The following SYNPR variants were observed in gnomAD, a reference collection of about 807,000 sequenced individuals.
SYNPR encodes the protein synaptoporin.
A neutral mutation model predicts 32.9 loss-of-function variants in SYNPR; 23 were observed. The observed-to-expected ratio is 0.70, with a 90% confidence interval of 0.50 to 0.99. SYNPR has a LOEUF of 0.99. Among genes scored for constraint, SYNPR ranks in the 50% least tolerant of loss-of-function variants. The pLI is 0.00. For synonymous variants in SYNPR, 146 were observed against 135.9 expected (o/e 1.07, Z -0.52); for missense variants, 318 against 349.3 (o/e 0.91, Z 0.71).
intron 2 of SYNPR, among the ~76,000 whole-genome samples, chr3:63,296,204 C>T (rs1487826709): frequency 6.6e-6 from 1 of 152,204 alleles, no homozygotes; most frequent in African/African-American, 2.4e-5. Context: ...AAGCCCAGTG[C>T]TTCCAGATAT....
chr3:63,360,017 C>T (rs546802758), intron 2 of SYNPR, among the ~76,000 whole-genome samples: 1 of 152,190 alleles, frequency 6.6e-6, no homozygotes, highest in Non-Finnish European at 1.5e-5. Flanking sequence ...CTCAAACATA[C>T]ATCACAGCCA....
At chr3:63,390,891 C>G (rs1053876986) in intron 2 of SYNPR, among the ~76,000 whole-genome samples, 12 of 152,214 alleles carry the variant, frequency 7.9e-5, no homozygotes, top group Admixed American at 6.5e-4. Context: ...GCCCTCCGCG[C>G]TCTTCTTTGC....
intron 2 of SYNPR, among the ~76,000 whole-genome samples, chr3:63,416,495 G>A (rs1362323705): frequency 7.6e-6 from 1 of 132,078 alleles, no homozygotes; most frequent in Non-Finnish European, 1.5e-5. Flanking sequence ...TTGTGCCAAT[G>A]TACTCCAGCC....
intron 3 of SYNPR, among the ~76,000 whole-genome samples, chr3:63,529,267 A>T (rs991043135): frequency 3.9e-5 from 6 of 152,202 alleles, no homozygotes; most frequent in Non-Finnish European, 8.8e-5. Flanking sequence ...CCTTTAAATC[A>T]TCTCTAGATT....
intron 3 of SYNPR, among the ~76,000 whole-genome samples, chr3:63,547,749 T>C (rs1378965611): frequency 6.6e-6 from 1 of 152,168 alleles, no homozygotes; most frequent in Non-Finnish European, 1.5e-5. Context: ...GCACTGTTTT[T>C]GTATGGGAGG....
chr3:63,282,961 G>A (rs2086643859), intron 2 of SYNPR, among the ~76,000 whole-genome samples: 2 of 152,164 alleles, frequency 1.3e-5, no homozygotes, highest in Admixed American at 1.3e-4. Context: ...CAATTTGTAT[G>A]AACACAGAGG....
At chr3:63,387,623 G>A (rs1367468197) in intron 2 of SYNPR, among the ~76,000 whole-genome samples, 1 of 152,144 alleles carries the variant, frequency 6.6e-6, no homozygotes, top group African/African-American at 2.4e-5. Context: ...AGGCAGAGTG[G>A]GAAAGAATAT....
chr3:63,429,585 G>A (rs550663611), intron 2 of SYNPR, among the ~76,000 whole-genome samples: 13 of 152,174 alleles, frequency 8.5e-5, no homozygotes, highest in Non-Finnish European at 1.8e-4. Flanking sequence ...AAAAAAGACT[G>A]TAACTATTTT....
intron 3 of SYNPR, among the ~76,000 whole-genome samples, chr3:63,519,480 G>A (rs1701865581): frequency 6.6e-6 from 1 of 152,160 alleles, no homozygotes; most frequent in Non-Finnish European, 1.5e-5. Flanking sequence ...GAGCAGAGCA[G>A]AGCTTGCCCA....
intron 2 of SYNPR, among the ~76,000 whole-genome samples, chr3:63,293,453 T>C (rs2086761605): frequency 6.6e-6 from 1 of 152,224 alleles, no homozygotes; most frequent in African/African-American, 2.4e-5. Flanking sequence ...CTTAATACTT[T>C]GAAATATACT....
At chr3:63,518,673 G>A (rs1159402185) in intron 3 of SYNPR, among the ~76,000 whole-genome samples, 1 of 152,098 alleles carries the variant, frequency 6.6e-6, no homozygotes, top group East Asian at 1.9e-4. Flanking sequence ...CATACTGACT[G>A]CTGATTTTAT....
chr3:63,431,641 C>A (rs562376390), intron 2 of SYNPR, among the ~76,000 whole-genome samples: 69 of 151,790 alleles, frequency 4.5e-4, no homozygotes, highest in African/African-American at 1.6e-3. Flanking sequence ...CAGCATAAAC[C>A]AAGGGCAGAG....
chr3:63,602,096 G>C (rs76480878), intron 4 of SYNPR, among the ~76,000 whole-genome samples: 6,551 of 152,222 alleles, frequency 0.043, 331 homozygotes, highest in African/African-American at 0.12. Flanking sequence ...CTAATGATTA[G>C]TGATGTTGGG....
chr3:63,498,352 A>G (rs1701411537), intron 3 of SYNPR, among the ~76,000 whole-genome samples: 1 of 152,118 alleles, frequency 6.6e-6, no homozygotes, highest in East Asian at 1.9e-4. Flanking sequence ...CCGGGAATCC[A>G]GTGGAGAGCA....
chr3:63,202,037 G>T, the SYNPR span, among the ~76,000 whole-genome samples: 28 of 152,196 alleles, frequency 1.8e-4, no homozygotes, highest in East Asian at 4.4e-3. Flanking sequence ...CAGGAGTTCA[G>T]TAAGTTTTTT....
chr3:63,395,761 C>T lies in SYNPR; in HGVS notation c.85-85071C>T, dbSNP rs145900413. 4.1e-3 allele frequency among the ~76,000 whole-genome samples: 629 copies of T among 152,060 alleles called. 8 individuals are homozygous for T. Among genetic ancestry groups the T allele is most frequent in the African/African-American group, 0.014 (599 of 41,456 alleles). On this transcript the variant is annotated intron_variant, in intron 2 of 5. Coordinates refer to ENST00000478300, the MANE Select transcript of SYNPR (RefSeq NM_001130003.2). Reference sequence around the variant, plus strand: ...TATATATGTTAGCTATTTCAGTGTACGTAGCTTTATCACTGTAACTTTATC... The same window carrying T: ...TATATATGTTAGCTATTTCAGTGTATGTAGCTTTATCACTGTAACTTTATC...
intron 1 of SYNPR, among the ~76,000 whole-genome samples, chr3:63,232,039 A>G (rs1297614140): frequency 1.3e-5 from 2 of 152,162 alleles, no homozygotes; most frequent in Admixed American, 6.5e-5. Context: ...TCAAAGAGTT[A>G]TAACTCAGAG....
At chr3:63,291,539 G>A (rs553609575) in intron 2 of SYNPR, among the ~76,000 whole-genome samples, 31 of 152,252 alleles carry the variant, frequency 2.0e-4, no homozygotes, top group Middle Eastern at 3.4e-3. Context: ...AGAGAGGTAT[G>A]TTTTCTGTGT....
the SYNPR span, among the ~76,000 whole-genome samples, chr3:63,205,011 T>G: frequency 6.6e-6 from 1 of 152,244 alleles, no homozygotes; most frequent in South Asian, 2.1e-4. Context: ...ATCTGTTGAC[T>G]CTGACTGTTC....
Sources: gnomAD v4.1 joint callset for allele counts (sites outside exome capture counted in the v4.1 genomes callset) on GRCh38, gnomAD v4.1.1 for gene constraint, MANE v1.5 for transcripts, NCBI Gene and HGNC (gene_info 2026-07-23, HGNC 2026-07-21) for gene names.